Variants in HOMER2 observed in about 807,000 individuals in gnomAD.
HOMER2 encodes homer protein homolog 2.
A neutral mutation model predicts 47.0 loss-of-function variants in HOMER2; 27 were observed. That is an observed-to-expected ratio of 0.57 (90% CI 0.42 to 0.79). The LOEUF (loss-of-function observed/expected upper bound fraction) is 0.79. HOMER2 is among the 30% of genes least tolerant of loss of function. The pLI, the probability that HOMER2 is intolerant of heterozygous loss-of-function variation, is 0.00. For missense variants in HOMER2, 443 were observed against 435.0 expected, an observed-to-expected ratio of 1.02 and a Z score of -0.16; for synonymous variants, 161 against 163.8, an observed-to-expected ratio of 0.98 and a Z score of 0.13.
downstream of HOMER2, chr15:82,835,014 C>G (rs1047133964): frequency 6.6e-6 from 1 of 151,086 alleles, no homozygotes; most frequent in Non-Finnish European, 1.5e-5. Context: ...CTACTAACCT[C>G]ATCACCCTCA....
At chr15:82,901,155 T>C (rs1322754705) in intron 1 of HOMER2, among the ~76,000 whole-genome samples, 4 of 152,128 alleles carry the variant, frequency 2.6e-5, no homozygotes, top group South Asian at 2.1e-4. Context: ...AGCCATCAGA[T>C]CCATTCTCAT....
chr15:82,914,055 C>T (rs887980100), intron 1 of HOMER2, among the ~76,000 whole-genome samples: 6 of 152,026 alleles, frequency 3.9e-5, no homozygotes, highest in African/African-American at 9.7e-5. Context: ...GAATGAAAGT[C>T]GGCCAGGTGC....
At chr15:82,964,896 G>A (rs541144140) in intron 1 of HOMER2, among the ~76,000 whole-genome samples, 36 of 152,314 alleles carry the variant, frequency 2.4e-4, no homozygotes, top group African/African-American at 6.3e-4. Flanking sequence ...AAAAGGTTCC[G>A]TGCTCCATAG....
intron 8 of HOMER2, 70 bp downstream of exon 8, chr15:82,851,081 G>T: frequency 9.8e-7 from 1 of 1,016,778 alleles, no homozygotes; most frequent in Non-Finnish European, 1.5e-6. Context: ...ATAGGAAGCA[G>T]GAAAATGAGT....
intron 1 of HOMER2, among the ~76,000 whole-genome samples, chr15:82,979,720 T>G (rs557789293): frequency 6.6e-6 from 1 of 152,260 alleles, no homozygotes; most frequent in South Asian, 2.1e-4. Context: ...GAGTCCAGGA[T>G]GGCTGCTAGG....
At chr15:82,867,800 G>A (rs533540691) in intron 3 of HOMER2, among the ~76,000 whole-genome samples, 1 of 152,034 alleles carries the variant, frequency 6.6e-6, no homozygotes, top group Non-Finnish European at 1.5e-5. Context: ...CAAAATAATT[G>A]AGAATATGGG....
intron 4 of HOMER2, among the ~76,000 whole-genome samples, chr15:82,860,956 T>TGAGAGAGAGAGAGAGAGAGAGAGA (rs56063630): frequency 0.053 from 2,203 of 41,540 alleles, 79 homozygotes; most frequent in Admixed American, 0.068. Context: ...AGATAGAAGA[T>TGAGAGAGAGAGAGAGAGAGAGAGA]GAGAGAGAGA....
chr15:82,850,395 A>G (rs558826227), intron 8 of HOMER2, among the ~76,000 whole-genome samples: 3 of 152,342 alleles, frequency 2.0e-5, no homozygotes, highest in East Asian at 1.9e-4. Flanking sequence ...GGCCATGCCA[A>G]TGACTCAGGG....
chr15:82,920,571 G>A (rs1372544792), intron 1 of HOMER2, among the ~76,000 whole-genome samples: 1 of 152,136 alleles, frequency 6.6e-6, no homozygotes, highest in Non-Finnish European at 1.5e-5. Context: ...CATCTTCAAA[G>A]CCTGCAGCAA....
chr15:82,915,778 T>C (rs1044497578), intron 1 of HOMER2, among the ~76,000 whole-genome samples: 2 of 152,194 alleles, frequency 1.3e-5, no homozygotes, highest in Non-Finnish European at 2.9e-5. Context: ...AAGATACTTA[T>C]GCCAAAGGAT....
chr15:82,896,970 G>T (rs1355028541), intron 1 of HOMER2, among the ~76,000 whole-genome samples: 1 of 152,050 alleles, frequency 6.6e-6, no homozygotes, highest in Non-Finnish European at 1.5e-5. Context: ...CTACAGGGAA[G>T]GGGCTGAACA....
At chr15:82,855,204 C>T (rs1256425) in intron 5 of HOMER2, among the ~76,000 whole-genome samples, 125,487 of 151,440 alleles carry the variant, frequency 0.83, 52,318 homozygotes, top group East Asian at 0.93. Flanking sequence ...CGGGCGCCTG[C>T]AGTCTCAGCT....
At chr15:82,895,301 CA>C (rs542092364) in intron 1 of HOMER2, among the ~76,000 whole-genome samples, 1,648 of 152,296 alleles carry the variant, frequency 0.011, 7 homozygotes, top group Non-Finnish European at 0.016. Context: ...AACACCCTTC[CA>C]GCAGCTGGGT....
intron 1 of HOMER2, among the ~76,000 whole-genome samples, chr15:82,903,220 G>A (rs1833239761): frequency 6.6e-6 from 1 of 152,136 alleles, no homozygotes; most frequent in Non-Finnish European, 1.5e-5. Flanking sequence ...GGTAGGGACC[G>A]AAGGAAGGGA....
chr15:82,984,125 T>G (rs968098420), intron 1 of HOMER2, among the ~76,000 whole-genome samples: 1 of 150,944 alleles, frequency 6.6e-6, no homozygotes, highest in African/African-American at 2.4e-5. Context: ...CTCCGCCTCC[T>G]GGGTTCACGC....
chr15:82,859,195 G>A (rs776971971), intron 4 of HOMER2, 60 bp from the exon 5 acceptor site: 18 of 1,609,328 alleles, frequency 1.1e-5, no homozygotes, highest in African/African-American at 8.0e-5. Context: ...ATCTTCACAC[G>A]TTATTGCTTG....
chr15:82,890,571 C>T (rs1454872175), intron 2 of HOMER2, among the ~76,000 whole-genome samples: 1 of 152,174 alleles, frequency 6.6e-6, no homozygotes, highest in Non-Finnish European at 1.5e-5. Context: ...TTTCTCATAA[C>T]TGTCATATTT....
intron 2 of HOMER2, among the ~76,000 whole-genome samples, chr15:82,889,925 G>A (rs2052655334): frequency 6.6e-6 from 1 of 152,176 alleles, no homozygotes; most frequent in Admixed American, 6.5e-5. Flanking sequence ...GCCAACTGTA[G>A]TAATTAAACA....
chr15:82,835,799 T>A (rs1030650084), downstream of HOMER2: 1 of 152,234 alleles, frequency 6.6e-6, no homozygotes, highest in Admixed American at 6.5e-5. Context: ...ACAGGTCCAG[T>A]GGCTGTGGCC....
Sources: gnomAD v4.1 joint callset for allele counts (sites outside exome capture counted in the v4.1 genomes callset) on GRCh38, gnomAD v4.1.1 for gene constraint, MANE v1.5 for transcripts, NCBI Gene and HGNC (gene_info 2026-07-23, HGNC 2026-07-21) for gene names.